MVB12B: variants seen among roughly 807,000 people sequenced by gnomAD.
The protein encoded by MVB12B is multivesicular body subunit 12B, also known as ESCRT-I complex subunit MVB12B.
Under a neutral mutation model 41.6 loss-of-function variants are expected in MVB12B, and 16 were observed. The observed-to-expected ratio is 0.38, with a 90% CI of 0.26 to 0.58. MVB12B has a LOEUF of 0.58. Ranked by LOEUF, MVB12B falls within the 20% of genes least tolerant of loss-of-function variation. MVB12B has a pLI of 0.62. For synonymous variants in MVB12B, 133 were observed against 139.7 expected (o/e 0.95, Z 0.34); for missense variants, 274 against 380.2 (o/e 0.72, Z 2.32).
chr9:126,370,398 C>T (rs1302106033), intron 2 of MVB12B, among the ~76,000 whole-genome samples: 1,118 of 78,836 alleles, frequency 0.014, 12 homozygotes, highest in Middle Eastern at 0.027. Context: ...TTTTTTTTTT[C>T]CCCAGACAGA....
chr9:126,382,935 T>G (rs1380189447), intron 3 of MVB12B, among the ~76,000 whole-genome samples: 1 of 152,124 alleles, frequency 6.6e-6, no homozygotes, highest in African/African-American at 2.4e-5. Context: ...TTATTGGGCA[T>G]GATGGAGGGA....
At chr9:126,365,290 C>T (rs1206119942) in intron 2 of MVB12B, among the ~76,000 whole-genome samples, 1 of 140,110 alleles carries the variant, frequency 7.1e-6, no homozygotes, top group Non-Finnish European at 1.5e-5. Flanking sequence ...TGGTCTCGAT[C>T]TCCTGACCTC....
chr9:126,423,923 G>A (rs912455517), intron 7 of MVB12B, among the ~76,000 whole-genome samples: 1 of 152,228 alleles, frequency 6.6e-6, no homozygotes, highest in Non-Finnish European at 1.5e-5. Context: ...GGCAAAGTGT[G>A]CCCCAGGCCC....
Position 126,340,558 on chromosome 9 carries a change from A to G in MVB12B, c.132A>G (p.Glu44=), listed in dbSNP as rs774385206. 1 of 1,614,196 alleles carries G rather than the reference A, an allele frequency of 6.2e-7. No homozygotes were observed. Among genetic ancestry groups the G allele is most frequent in the Non-Finnish European group, 8.5e-7 (1 of 1,180,000 alleles). The change falls in exon 2 of 10, where the codon GAA becomes GAG. Residue 44 remains glutamate, a synonymous_variant. Transcript: ENST00000361171. The surrounding 1 kb of genome is among the most constrained non-coding windows in gnomAD (Gnocchi z 4.0). ...AAGACCTCTCAGAAGCCTTGCCAGA[A>G]ACGTCAATGGATCCCATCACGGGAG... ...EVKDLSEALP[E]TSMDPITGVG...
At chr9:126,373,827 A>G (rs760036381) in intron 2 of MVB12B, among the ~76,000 whole-genome samples, 11 of 152,242 alleles carry the variant, frequency 7.2e-5, no homozygotes, top group Non-Finnish European at 1.3e-4. Context: ...TAAAAGCTAT[A>G]TATGCTCATT....
intron 2 of MVB12B, among the ~76,000 whole-genome samples, chr9:126,352,359 T>C (rs1829774810): frequency 6.6e-6 from 1 of 152,204 alleles, no homozygotes; most frequent in Non-Finnish European, 1.5e-5. Context: ...ACTCTGGCTT[T>C]GTTGGCATGG....
intron 6 of MVB12B, among the ~76,000 whole-genome samples, chr9:126,420,967 G>A (rs1021954488): frequency 2.6e-5 from 4 of 152,080 alleles, no homozygotes; most frequent in Non-Finnish European, 4.4e-5. Flanking sequence ...CTTCCTTTTC[G>A]GAAATGTCCG....
intron 9 of MVB12B, among the ~76,000 whole-genome samples, chr9:126,498,549 TGCTGGAGTTG>T (rs774283847): frequency 1.3e-5 from 2 of 152,218 alleles, no homozygotes; most frequent in African/African-American, 2.4e-5. Context: ...CTGGCCCCCA[TGCTGGAGTTG>T]CACCCCAGGA....
chr9:126,423,754 G>C (rs1001178600), intron 7 of MVB12B, among the ~76,000 whole-genome samples: 1 of 152,178 alleles, frequency 6.6e-6, no homozygotes, highest in Non-Finnish European at 1.5e-5. Flanking sequence ...AAGGCTGCCC[G>C]CCCACCCACT....
chr9:126,394,760 TTA>T (rs1831057411), intron 5 of MVB12B, among the ~76,000 whole-genome samples: 1 of 152,202 alleles, frequency 6.6e-6, no homozygotes, highest in African/African-American at 2.4e-5. Context: ...TCTGAGAAGC[TTA>T]TTAGGGGTTC....
chr9:126,481,554 G>A (rs572338123), intron 8 of MVB12B, 130 bp downstream of exon 8: 20 of 731,390 alleles, frequency 2.7e-5, no homozygotes, highest in East Asian at 1.2e-4. Flanking sequence ...AATCTTGTCC[G>A]CCTGCGTGTC....
At chr9:126,337,129 C>T (rs1021684566) in intron 1 of MVB12B, among the ~76,000 whole-genome samples, 4 of 152,214 alleles carry the variant, frequency 2.6e-5, no homozygotes, top group African/African-American at 9.6e-5. Flanking sequence ...AACTTCCTCG[C>T]AGCCACAGCT....
At chr9:126,496,211 G>A (rs28733169) in intron 9 of MVB12B, among the ~76,000 whole-genome samples, 739 of 12,812 alleles carry the variant, frequency 0.058, 15 homozygotes, top group African/African-American at 0.17. Context: ...CTACCCACCC[G>A]TCCATCCACC....
intron 9 of MVB12B, among the ~76,000 whole-genome samples, chr9:126,494,008 C>T (rs28661037): frequency 0.11 from 17,359 of 152,126 alleles, 1,013 homozygotes; most frequent in Middle Eastern, 0.2. Context: ...CCCCAGGCCT[C>T]CTTATGTCAT....
At chr9:126,363,480 A>G (rs1280951766) in intron 2 of MVB12B, among the ~76,000 whole-genome samples, 1 of 152,302 alleles carries the variant, frequency 6.6e-6, no homozygotes, top group Non-Finnish European at 1.5e-5. Flanking sequence ...CTTAAGGCCT[A>G]TTGGATTGTC....
intron 1 of MVB12B, chr9:126,327,334 G>C (rs1829010666): frequency 2.0e-6 from 2 of 985,330 alleles, no homozygotes; most frequent in Non-Finnish European, 2.4e-6. Context: ...CCGCGTGAGA[G>C]GGAGGCGGCC....
At chr9:126,400,965 G>A (rs1180171835) in intron 6 of MVB12B, among the ~76,000 whole-genome samples, 2 of 152,198 alleles carry the variant, frequency 1.3e-5, no homozygotes, top group East Asian at 3.8e-4. Flanking sequence ...TCATGTTTAT[G>A]TGAACATCCA....
chr9:126,346,380 G>C (rs915707242), intron 2 of MVB12B, among the ~76,000 whole-genome samples: 10 of 152,152 alleles, frequency 6.6e-5, no homozygotes, highest in African/African-American at 2.2e-4. Context: ...GGAGGTGGGG[G>C]AGTAGGGAGG....
intron 1 of MVB12B, among the ~76,000 whole-genome samples, chr9:126,339,205 GTTCCTA>G (rs1251310524): frequency 6.6e-6 from 1 of 152,148 alleles, no homozygotes; most frequent in African/African-American, 2.4e-5. Flanking sequence ...CATTTTGATT[GTTCCTA>G]TTTAGAAGGC....
Sources: allele counts gnomAD v4.1 joint callset (sites outside exome capture counted in the v4.1 genomes callset), GRCh38; gene constraint gnomAD v4.1.1; non-coding constraint Gnocchi (gnomAD v3.1); transcripts MANE v1.5; gene names NCBI Gene and HGNC (gene_info 2026-07-23, HGNC 2026-07-21).